SLC24A2: variants seen among roughly 807,000 people sequenced by gnomAD.
The protein encoded by SLC24A2 is solute carrier family 24 member 2, also known as sodium/potassium/calcium exchanger 2.
SLC24A2 carries 36 observed loss-of-function variants against 62.0 expected under a neutral mutation model. The ratio of observed to expected loss-of-function variants is 0.58; its 90% CI spans 0.44 to 0.77. The LOEUF is 0.77. Among genes scored for constraint, SLC24A2 ranks in the 30% least tolerant of loss-of-function variants. The pLI, the probability that SLC24A2 is intolerant of heterozygous loss-of-function variation, is 0.00. For missense variants in SLC24A2, 846 were observed against 817.9 expected (o/e 1.03, Z -0.42); for synonymous variants, 358 against 294.0 (o/e 1.22, Z -2.23).
rs1587067324 is a variant in SLC24A2, at chr9:19,632,687, T to C, written c.931-10388A>G. Among the ~76,000 whole-genome samples, 4 of 152,218 alleles carry C rather than the reference T, an allele frequency of 2.6e-5. No homozygotes were observed. Among genetic ancestry groups the C allele is most frequent in the African/African-American group, 9.6e-5 (4 of 41,458 alleles). ...TCACAAATAGTTGCAAAAATATGTA[T>C]AGGGTGGTCCCATGCGCCCTTTACC... is the stretch of plus-strand genomic sequence containing the variant. On this transcript the variant is annotated intron_variant, in intron 2 of 10. Transcript: ENST00000341998. The surrounding 1 kb of genome is among the most constrained non-coding windows in gnomAD (Gnocchi z 4.5).
At chr9:19,927,459 G>T in the SLC24A2 span, 4 of 152,184 alleles carry the variant, frequency 2.6e-5, no homozygotes, top group Non-Finnish European at 5.9e-5. Context: ...ACCATATAAA[G>T]TACCTCTGAG....
At chr9:19,702,364 C>T (rs1354359061) in intron 2 of SLC24A2, among the ~76,000 whole-genome samples, 1 of 152,116 alleles carries the variant, frequency 6.6e-6, no homozygotes, top group Non-Finnish European at 1.5e-5. Context: ...TATGTTGAGC[C>T]ATCTCAGTTA....
the SLC24A2 span, among the ~76,000 whole-genome samples, chr9:19,859,131 T>A: frequency 6.6e-6 from 1 of 152,004 alleles, no homozygotes; most frequent in East Asian, 1.9e-4. Flanking sequence ...ATAAAGAAAA[T>A]GTGGTACATA....
At chr9:19,988,193 C>T in the SLC24A2 span, among the ~76,000 whole-genome samples, 1 of 152,102 alleles carries the variant, frequency 6.6e-6, no homozygotes, top group African/African-American at 2.4e-5. Context: ...CCTTAGTCTT[C>T]CCAGACAAGC....
intron 9 of SLC24A2, among the ~76,000 whole-genome samples, chr9:19,522,644 C>A (rs1422106456): frequency 6.6e-6 from 1 of 152,128 alleles, no homozygotes. Flanking sequence ...AATCACTGCT[C>A]CCCATTAGTA....
At chr9:19,564,856 C>G (rs1835584390) in intron 7 of SLC24A2, among the ~76,000 whole-genome samples, 1 of 152,152 alleles carries the variant, frequency 6.6e-6, no homozygotes, top group African/African-American at 2.4e-5. Context: ...TGTGTCACAG[C>G]AGCAGGGATT....
At chr9:20,303,492 A>C in the SLC24A2 span, among the ~76,000 whole-genome samples, 1 of 152,200 alleles carries the variant, frequency 6.6e-6, no homozygotes, top group Non-Finnish European at 1.5e-5. Context: ...GAGCAGAATG[A>C]AGTAATCTAG....
chr9:20,076,203 A>G, the SLC24A2 span, among the ~76,000 whole-genome samples: 49 of 152,320 alleles, frequency 3.2e-4, no homozygotes, highest in African/African-American at 1.1e-3. Context: ...ACTGAGCAAA[A>G]GAGTCAAAGC....
chr9:19,833,172 C>A, the SLC24A2 span, among the ~76,000 whole-genome samples: 2 of 152,160 alleles, frequency 1.3e-5, no homozygotes, highest in Non-Finnish European at 2.9e-5. Context: ...TGGGTGATTT[C>A]TGCATTTCCA....
intron 2 of SLC24A2, among the ~76,000 whole-genome samples, chr9:19,757,279 A>C (rs532304749): frequency 6.6e-6 from 1 of 152,218 alleles, no homozygotes; most frequent in African/African-American, 2.4e-5. Flanking sequence ...ATGTTTAATA[A>C]ATTTGAGACC....
intron 8 of SLC24A2, among the ~76,000 whole-genome samples, chr9:19,536,116 G>C (rs1457866363): frequency 6.8e-6 from 1 of 148,122 alleles, no homozygotes; most frequent in Non-Finnish European, 1.5e-5. Context: ...GTGAATGAGA[G>C]TTCACTCATG....
At chr9:20,171,318 G>T in the SLC24A2 span, among the ~76,000 whole-genome samples, 4 of 151,406 alleles carry the variant, frequency 2.6e-5, no homozygotes, top group African/African-American at 9.7e-5. Flanking sequence ...AAAAAACAAG[G>T]TATACAGGCA....
At chr9:19,840,759 G>T in the SLC24A2 span, among the ~76,000 whole-genome samples, 2 of 152,078 alleles carry the variant, frequency 1.3e-5, no homozygotes, top group Non-Finnish European at 2.9e-5. Flanking sequence ...ACCCTAGAAG[G>T]TACCCTTGAG....
At chr9:19,566,173 C>G (rs1333441900) in intron 7 of SLC24A2, among the ~76,000 whole-genome samples, 1 of 151,742 alleles carries the variant, frequency 6.6e-6, no homozygotes, top group African/African-American at 2.4e-5. Flanking sequence ...TCAGAGTGAA[C>G]AGGCAACCTA....
At chr9:19,631,402 C>G (rs1034072250) in intron 2 of SLC24A2, among the ~76,000 whole-genome samples, 1 of 152,110 alleles carries the variant, frequency 6.6e-6, no homozygotes, top group Admixed American at 6.6e-5. Flanking sequence ...CTTCCTCATT[C>G]CTGTGGAAAT....
At chr9:19,769,450 G>C (rs557780405) in intron 2 of SLC24A2, among the ~76,000 whole-genome samples, 1 of 152,314 alleles carries the variant, frequency 6.6e-6, no homozygotes, top group South Asian at 2.1e-4. Context: ...TCTCTAACAT[G>C]AGTCACAGTG....
chr9:19,783,867 C>G (rs1055325361), intron 2 of SLC24A2, among the ~76,000 whole-genome samples: 7 of 152,008 alleles, frequency 4.6e-5, no homozygotes, highest in African/African-American at 1.7e-4. Context: ...TCAAAAGAAA[C>G]ATTAATGACT....
chr9:20,077,443 AT>A, the SLC24A2 span, among the ~76,000 whole-genome samples: 1 of 152,190 alleles, frequency 6.6e-6, no homozygotes, highest in African/African-American at 2.4e-5. Context: ...AATAAAAAAA[AT>A]GTTTTAAAAC....
At chr9:20,190,026 C>T in the SLC24A2 span, among the ~76,000 whole-genome samples, 40 of 152,270 alleles carry the variant, frequency 2.6e-4, 1 homozygote, top group Middle Eastern at 3.4e-3. Context: ...ATTCCCGGCA[C>T]CCCACTGGGA....
Sources: allele counts gnomAD v4.1 joint callset (sites outside exome capture counted in the v4.1 genomes callset), GRCh38; gene constraint gnomAD v4.1.1; non-coding constraint Gnocchi (gnomAD v3.1); transcripts MANE v1.5; gene names NCBI Gene and HGNC (gene_info 2026-07-23, HGNC 2026-07-21).